Variants in TMEM131L observed in about 807,000 individuals in gnomAD.
TMEM131L encodes the protein transmembrane 131 like.
TMEM131L carries 54 observed loss-of-function variants against 192.2 expected under a neutral mutation model. The ratio of observed to expected loss-of-function variants is 0.28; its 90% CI spans 0.23 to 0.35. The LOEUF (loss-of-function observed/expected upper bound fraction) is 0.35. TMEM131L is among the 10% of genes least tolerant of loss of function. The pLI, the probability that TMEM131L is intolerant of heterozygous loss-of-function variation, is 1.00. For synonymous variants in TMEM131L, 701 were observed against 704.9 expected, an observed-to-expected ratio of 0.99 and a Z score of 0.09; for missense variants, 1,888 against 1,972.9, an observed-to-expected ratio of 0.96 and a Z score of 0.82.
At chr4:153,548,397 C>T (rs948344652) in intron 3 of TMEM131L, among the ~76,000 whole-genome samples, 11 of 152,134 alleles carry the variant, frequency 7.2e-5, no homozygotes, top group African/African-American at 2.4e-4. Flanking sequence ...CTCTGCGTCC[C>T]GGGTTCATGC....
chr4:153,538,010 G>A (rs1196050664), intron 3 of TMEM131L, among the ~76,000 whole-genome samples: 1 of 152,148 alleles, frequency 6.6e-6, no homozygotes, highest in Non-Finnish European at 1.5e-5. Context: ...TAAGTAGAGC[G>A]GGAACACAAG....
intron 3 of TMEM131L, among the ~76,000 whole-genome samples, chr4:153,484,669 C>T (rs1285895867): frequency 6.7e-6 from 1 of 148,920 alleles, no homozygotes; most frequent in African/African-American, 2.5e-5. Flanking sequence ...GGGGTTTCAC[C>T]ATGTTACTCA....
At chr4:153,530,456 G>A (rs1561163382) in intron 3 of TMEM131L, among the ~76,000 whole-genome samples, 1 of 152,084 alleles carries the variant, frequency 6.6e-6, no homozygotes, top group African/African-American at 2.4e-5. Context: ...ATAGAAAAAC[G>A]CCCAAAGGAA....
chr4:153,568,870 A>G (rs1371684004), intron 7 of TMEM131L, among the ~76,000 whole-genome samples: 2 of 152,214 alleles, frequency 1.3e-5, no homozygotes, highest in Non-Finnish European at 2.9e-5. Flanking sequence ...TGTATTACTG[A>G]TAAGACATAT....
intron 2 of TMEM131L, among the ~76,000 whole-genome samples, chr4:153,468,099 G>A (rs1256974283): frequency 6.6e-6 from 1 of 152,152 alleles, no homozygotes; most frequent in Non-Finnish European, 1.5e-5. Flanking sequence ...ACTTCCCACG[G>A]TGGTGGCAGC....
intron 25 of TMEM131L, among the ~76,000 whole-genome samples, chr4:153,607,632 C>A (rs987546654): frequency 2.0e-5 from 3 of 152,132 alleles, no homozygotes; most frequent in Non-Finnish European, 4.4e-5. Context: ...GGGACAGTCC[C>A]GCCTCTTAAG....
chr4:153,582,219 T>G (rs904869138), intron 9 of TMEM131L, among the ~76,000 whole-genome samples: 1 of 151,694 alleles, frequency 6.6e-6, no homozygotes. Context: ...ATTCTTTGGG[T>G]TTTTTTGTTT....
chr4:153,615,828 G>A (rs1041325218), intron 26 of TMEM131L, among the ~76,000 whole-genome samples: 9 of 152,260 alleles, frequency 5.9e-5, no homozygotes, highest in African/African-American at 2.2e-4. Flanking sequence ...TGCTGCCACT[G>A]GCCTCCACCT....
At chr4:153,479,794 C>T (rs549840196) in intron 3 of TMEM131L, among the ~76,000 whole-genome samples, 73 of 152,338 alleles carry the variant, frequency 4.8e-4, no homozygotes, top group Non-Finnish European at 9.7e-4. Context: ...CAGCAACATA[C>T]TGGAAGATAC....
chr4:153,598,760 A>AG (rs1731624965), intron 21 of TMEM131L, 28 bp downstream of exon 21: 2 of 1,516,118 alleles, frequency 1.3e-6, no homozygotes, highest in East Asian at 4.9e-5. Context: ...GCACTCTGAC[A>AG]GGGGAGGTTG....
rs575832226 is a variant in TMEM131L at position 153,501,943 on chromosome 4, GTTTTTT to G, written c.239+28073_239+28078del. ...ACTTCCTGGAAGTATCCCCCAAAGGGTTTTTTTTTTTTTTTTTTTTTTTAAATGGAG... is the reference window on the plus strand; with the variant it reads ...ACTTCCTGGAAGTATCCCCCAAAGGGTTTTTTTTTTTTTTTTTAAATGGAG... On this transcript the variant is annotated intron_variant, in intron 3 of 34. Transcript: ENST00000409959. Among the ~76,000 whole-genome samples, 27 of 117,396 alleles carry G rather than the reference GTTTTTT, an allele frequency of 2.3e-4. 1 individual carries two copies. The highest frequency in any genetic ancestry group is 9.6e-4 in the African/African-American group (27 of 28,152). The allele number at this position is 117,396 out of a possible 152,430, so 77.0% of individuals were successfully genotyped here.
At chr4:153,609,352 C>T (rs139531776) in intron 25 of TMEM131L, among the ~76,000 whole-genome samples, 4 of 152,302 alleles carry the variant, frequency 2.6e-5, no homozygotes, top group Non-Finnish European at 5.9e-5. Context: ...CTCTCACTAT[C>T]ATGAGAACAG....
intron 3 of TMEM131L, among the ~76,000 whole-genome samples, chr4:153,504,366 A>G (rs1345289783): frequency 8.8e-6 from 1 of 113,302 alleles, no homozygotes; most frequent in Non-Finnish European, 1.7e-5. Context: ...TGCAACCTCC[A>G]CCTTCTGGGT....
chr4:153,528,008 C>A lies in TMEM131L; in HGVS notation c.240-22065C>A, dbSNP rs79554726. Reference sequence around the variant, plus strand: ...TTGTGCAGCCATACCATTAACTGAGCAGGTTCTTTTCCTCACCGTCTGGTC... The same window carrying A: ...TTGTGCAGCCATACCATTAACTGAGAAGGTTCTTTTCCTCACCGTCTGGTC... On this transcript the variant is annotated intron_variant, in intron 3 of 34. Coordinates refer to ENST00000409959, the MANE Select transcript of TMEM131L (RefSeq NM_001131007.2). Among the ~76,000 whole-genome samples the A allele has an allele frequency of 8.2e-4, 125 of 152,300 alleles. 2 individuals are homozygous for A. In the East Asian group the frequency reaches 0.023, roughly 27 times the overall value.
intron 26 of TMEM131L, among the ~76,000 whole-genome samples, chr4:153,618,877 C>G (rs1004611485): frequency 7.2e-5 from 11 of 152,162 alleles, no homozygotes; most frequent in Non-Finnish European, 1.5e-5. Context: ...CCTGTTCTAC[C>G]TGCTGTCTCC....
At chr4:153,548,049 C>G (rs914237953) in intron 3 of TMEM131L, among the ~76,000 whole-genome samples, 1 of 151,836 alleles carries the variant, frequency 6.6e-6, no homozygotes, top group African/African-American at 2.4e-5. Context: ...AAATACTGAG[C>G]CTGGCCAGCT....
intron 4 of TMEM131L, among the ~76,000 whole-genome samples, chr4:153,550,471 C>A (rs898368597): frequency 7.9e-5 from 12 of 152,166 alleles, no homozygotes; most frequent in African/African-American, 2.9e-4. Context: ...GGACTACAGG[C>A]ACCCGCCACC....
intron 3 of TMEM131L, among the ~76,000 whole-genome samples, chr4:153,486,268 C>T (rs1398114772): frequency 1.3e-5 from 2 of 152,130 alleles, no homozygotes; most frequent in Non-Finnish European, 2.9e-5. Context: ...GTGGATTATC[C>T]ACAGATATTC....
At chr4:153,557,830 T>C (rs1728575194) in intron 6 of TMEM131L, among the ~76,000 whole-genome samples, 1 of 152,240 alleles carries the variant, frequency 6.6e-6, no homozygotes, top group South Asian at 2.1e-4. Flanking sequence ...AGGCAGGGTC[T>C]CACTTTGTTG....
Sources: allele counts gnomAD v4.1 joint callset (sites outside exome capture counted in the v4.1 genomes callset), GRCh38; gene constraint gnomAD v4.1.1; transcripts MANE v1.5; gene names NCBI Gene and HGNC (gene_info 2026-07-23, HGNC 2026-07-21).